Variants in SYN3 observed in about 807,000 individuals in gnomAD.
SYN3 encodes synapsin-3.
SYN3 carries 35 observed loss-of-function variants against 65.8 expected under a neutral mutation model. That is an observed-to-expected ratio of 0.53 (90% confidence interval 0.41 to 0.70). The LOEUF (loss-of-function observed/expected upper bound fraction) is 0.70, where lower values mean the gene tolerates loss of function less well. Ranked by LOEUF, SYN3 falls within the 30% of genes least tolerant of loss-of-function variation. The probability of loss-of-function intolerance (pLI) is 0.00; values close to 1 mark genes in which losing one functional copy is unlikely to be tolerated. For synonymous variants in SYN3, 270 were observed against 292.9 expected, an observed-to-expected ratio of 0.92 and a Z score of 0.80; for missense variants, 680 against 749.0, an observed-to-expected ratio of 0.91 and a Z score of 1.08.
chr22:32,818,335 T>C (rs1050488912), intron 6 of SYN3, among the ~76,000 whole-genome samples: 3 of 152,078 alleles, frequency 2.0e-5, no homozygotes, highest in Admixed American at 6.5e-5. Flanking sequence ...CACTCACATT[T>C]AGAATGGGGG....
chr22:32,610,018 C>A (rs2059420340), intron 6 of SYN3, among the ~76,000 whole-genome samples: 1 of 152,056 alleles, frequency 6.6e-6, no homozygotes, highest in Non-Finnish European at 1.5e-5. Flanking sequence ...TGTGGTGGCT[C>A]ACGCCTGTAA....
intron 6 of SYN3, among the ~76,000 whole-genome samples, chr22:32,678,877 A>G (rs1283093860): frequency 6.6e-6 from 1 of 152,044 alleles, no homozygotes; most frequent in Non-Finnish European, 1.5e-5. Flanking sequence ...GATGCCTCAT[A>G]TAAGGGGAAT....
chr22:32,998,026 C>CAA (rs133930), intron 2 of SYN3, among the ~76,000 whole-genome samples: 212 of 108,072 alleles, frequency 2.0e-3, no homozygotes, highest in South Asian at 3.1e-3. Flanking sequence ...GACTCCATCT[C>CAA]AAAAAAAAAA....
rs2053211682 is a variant in SYN3, at chr22:33,006,803, T to C, written c.-141A>G. The C allele has an allele frequency of 1.4e-6, 1 of 709,324 alleles. No homozygotes were observed. Among genetic ancestry groups the C allele is most frequent in the South Asian group, 2.5e-5 (1 of 39,634 alleles). 43.9% of individuals were successfully genotyped at this position (709,324 alleles called of 1,614,324 possible). A position where few individuals can be genotyped will look rare whatever the true frequency, so the allele number is the denominator to read the frequency against. Reference sequence around the variant, plus strand: ...GGATTTTGCGCAACCAGCAGTCAGCTTTAGCTGCCTTTATTTACCTGCTGG... The same window carrying C: ...GGATTTTGCGCAACCAGCAGTCAGCCTTAGCTGCCTTTATTTACCTGCTGG... On this transcript the variant is annotated 5_prime_UTR_variant, in exon 2 of 14. Coordinates refer to ENST00000358763, the MANE Select transcript of SYN3 (RefSeq NM_003490.4).
chr22:32,847,860 C>T (rs1007909359), intron 6 of SYN3, among the ~76,000 whole-genome samples: 2 of 152,224 alleles, frequency 1.3e-5, no homozygotes, highest in Non-Finnish European at 2.9e-5. Flanking sequence ...ATAAGCAAGC[C>T]CCATTCCAAT....
chr22:32,833,672 A>G (rs1017898740), intron 6 of SYN3, among the ~76,000 whole-genome samples: 7 of 152,172 alleles, frequency 4.6e-5, no homozygotes, highest in African/African-American at 1.7e-4. Context: ...GGGGCTCCCA[A>G]TTCAGGCTGC....
intron 4 of SYN3, among the ~76,000 whole-genome samples, chr22:32,871,166 A>AT (rs772405621): frequency 1.1e-4 from 16 of 151,958 alleles, no homozygotes; most frequent in African/African-American, 1.2e-4. Flanking sequence ...CCAGCCTCCT[A>AT]TTTTTTTTCC....
chr22:32,653,621 G>C (rs2060103340), intron 6 of SYN3, among the ~76,000 whole-genome samples: 1 of 151,906 alleles, frequency 6.6e-6, no homozygotes, highest in African/African-American at 2.4e-5. Flanking sequence ...ATGGCAGCCA[G>C]CTTCCAGTCA....
intron 2 of SYN3, among the ~76,000 whole-genome samples, chr22:32,995,468 C>T (rs1030433688): frequency 2.0e-5 from 3 of 152,092 alleles, no homozygotes; most frequent in Non-Finnish European, 2.9e-5. Context: ...TTTTTATTTG[C>T]TAAATCTGAC....
chr22:32,537,910 T>A lies in SYN3; in HGVS notation c.992+126A>T, dbSNP rs1601591663. On this transcript the variant is annotated intron_variant, in intron 9 of 13. Transcript: ENST00000358763. ...GTGAAGATGATCATGTCTAAAAAAG[T>A]GCTCTGTGGATGGTGAGGCACTGGA... 1.1e-5 allele frequency: 8 copies of A among 733,560 alleles called. No homozygotes were observed. The South Asian group carries it at 1.3e-4, about 12-fold the overall frequency. 45.4% of individuals were successfully genotyped at this position (733,560 alleles called of 1,614,324 possible). A position where few individuals can be genotyped will look rare whatever the true frequency, so the allele number is the denominator to read the frequency against.
intron 2 of SYN3, among the ~76,000 whole-genome samples, chr22:32,988,836 G>A (rs1477490560): frequency 6.6e-6 from 1 of 151,956 alleles, no homozygotes; most frequent in African/African-American, 2.4e-5. Context: ...CGTCCTGGGG[G>A]CACCCAGGAG....
chr22:32,552,232 T>C (rs2146304663), intron 7 of SYN3, among the ~76,000 whole-genome samples: 1 of 151,908 alleles, frequency 6.6e-6, no homozygotes, highest in Middle Eastern at 3.4e-3. Context: ...GGTGACAGAG[T>C]GAGACTCCAT....
At chr22:33,030,062 T>C (rs2053721476) in intron 1 of SYN3, among the ~76,000 whole-genome samples, 1 of 152,272 alleles carries the variant, frequency 6.6e-6, no homozygotes, top group East Asian at 1.9e-4. Context: ...TCTGTGTTCC[T>C]GAAGTTCCCT....
chr22:32,568,651 A>G, intron 7 of SYN3, among the ~76,000 whole-genome samples: 1 of 152,162 alleles, frequency 6.6e-6, no homozygotes, highest in African/African-American at 2.4e-5. Context: ...CACTAATCCC[A>G]TTCCTCAGGG....
intron 4 of SYN3, among the ~76,000 whole-genome samples, chr22:32,876,437 G>A (rs1374227924): frequency 1.3e-5 from 2 of 152,124 alleles, no homozygotes; most frequent in African/African-American, 2.4e-5. Context: ...GTTAAATCAT[G>A]TTCATATTTA....
At chr22:32,647,025 A>T (rs1337452248) in intron 6 of SYN3, among the ~76,000 whole-genome samples, 1 of 152,196 alleles carries the variant, frequency 6.6e-6, no homozygotes, top group Non-Finnish European at 1.5e-5. Context: ...CTTGAACTTG[A>T]GTCAGCTTGA....
chr22:32,717,442 G>A (rs2061054382), intron 6 of SYN3, among the ~76,000 whole-genome samples: 1 of 152,206 alleles, frequency 6.6e-6, no homozygotes, highest in Non-Finnish European at 1.5e-5. Context: ...AGGTCACCCT[G>A]AGCAGTGAGG....
intron 1 of SYN3, among the ~76,000 whole-genome samples, chr22:33,051,962 C>T (rs368260152): frequency 2.0e-5 from 3 of 152,278 alleles, no homozygotes; most frequent in South Asian, 2.1e-4. Flanking sequence ...CAAGAACACG[C>T]TTCCTTGTAG....
chr22:32,928,816 T>C (rs2050548292), intron 4 of SYN3, among the ~76,000 whole-genome samples: 1 of 152,236 alleles, frequency 6.6e-6, no homozygotes. Flanking sequence ...TCCTAGAATC[T>C]AACAGTCTTT....
Sources: gnomAD v4.1 joint callset for allele counts (sites outside exome capture counted in the v4.1 genomes callset) on GRCh38, gnomAD v4.1.1 for gene constraint, MANE v1.5 for transcripts, NCBI Gene and HGNC (gene_info 2026-07-23, HGNC 2026-07-21) for gene names.